Variants in TENM2 observed in about 807,000 individuals in gnomAD.
TENM2 encodes teneurin transmembrane protein 2.
TENM2 carries 52 observed loss-of-function variants against 245.2 expected under a neutral mutation model. The ratio of observed to expected loss-of-function variants is 0.21; its 90% CI spans 0.17 to 0.27. The LOEUF is 0.27. Ranked by LOEUF, TENM2 falls within the 10% of genes least tolerant of loss-of-function variation. The probability of loss-of-function intolerance (pLI) is 1.00; values close to 1 mark genes in which losing one functional copy is unlikely to be tolerated. For missense variants in TENM2, 3,046 were observed against 3,666.8 expected (o/e 0.83, Z 4.37); for synonymous variants, 1,363 against 1,438.9 (o/e 0.95, Z 1.19).
At chr5:167,495,929 T>A (rs1768785588) in intron 2 of TENM2, among the ~76,000 whole-genome samples, 1 of 152,122 alleles carries the variant, frequency 6.6e-6, no homozygotes, top group Non-Finnish European at 1.5e-5. Context: ...CCACACTTAA[T>A]TTTATGGTGA....
At chr5:167,762,851 C>T (rs1042390522) in intron 2 of TENM2, among the ~76,000 whole-genome samples, 1 of 152,214 alleles carries the variant, frequency 6.6e-6, no homozygotes, top group African/African-American at 2.4e-5. Context: ...TCTACAAGTC[C>T]TCTACATCTT....
At chr5:168,257,156 G>A (rs1330834720) in intron 27 of TENM2, among the ~76,000 whole-genome samples, 3 of 152,176 alleles carry the variant, frequency 2.0e-5, no homozygotes, top group Admixed American at 6.5e-5. Flanking sequence ...CACCAGGCAA[G>A]CTGGAGTGAA....
intron 2 of TENM2, among the ~76,000 whole-genome samples, chr5:167,644,823 A>C (rs1188780758): frequency 6.6e-6 from 1 of 152,204 alleles, no homozygotes; most frequent in Non-Finnish European, 1.5e-5. Context: ...GTACTCAGTG[A>C]CGTACAGTCA....
intron 2 of TENM2, among the ~76,000 whole-genome samples, chr5:167,597,629 G>C (rs570660595): frequency 6.6e-6 from 1 of 152,186 alleles, no homozygotes; most frequent in African/African-American, 2.4e-5. Context: ...GGACAGCAGA[G>C]AGACAAATGA....
chr5:168,079,548 A>G (rs1236633198), intron 7 of TENM2, among the ~76,000 whole-genome samples: 2 of 152,170 alleles, frequency 1.3e-5, no homozygotes, highest in Non-Finnish European at 2.9e-5. Flanking sequence ...CCCATTCAGT[A>G]TGATATTGGC....
intron 2 of TENM2, among the ~76,000 whole-genome samples, chr5:167,715,514 C>G (rs1404547091): frequency 6.6e-6 from 1 of 152,136 alleles, no homozygotes; most frequent in Non-Finnish European, 1.5e-5. Context: ...GTTTTAACCC[C>G]TGGGATGTTT....
At chr5:167,374,760 T>C (rs564498066) in intron 1 of TENM2, among the ~76,000 whole-genome samples, 1 of 152,152 alleles carries the variant, frequency 6.6e-6, no homozygotes, top group African/African-American at 2.4e-5. Flanking sequence ...AATCCTCTGG[T>C]CCCCGGTTTC....
At chr5:167,837,067 TACACACACACAC>T (rs3082486) in intron 2 of TENM2, among the ~76,000 whole-genome samples, 1 of 149,432 alleles carries the variant, frequency 6.7e-6, no homozygotes, top group South Asian at 2.1e-4. Flanking sequence ...TATGCCTAAG[TACACACACACAC>T]ACACACACAC....
intron 2 of TENM2, among the ~76,000 whole-genome samples, chr5:167,606,525 A>G (rs1459071): frequency 0.66 from 99,522 of 151,924 alleles, 32,824 homozygotes; most frequent in Middle Eastern, 0.76. Context: ...TCAGAAAACC[A>G]CACCTCCAAA....
At chr5:167,895,910 A>T (rs1775179140) in intron 3 of TENM2, among the ~76,000 whole-genome samples, 1 of 152,222 alleles carries the variant, frequency 6.6e-6, no homozygotes, top group African/African-American at 2.4e-5. Flanking sequence ...AATTCCACAA[A>T]TGTTTATTGA....
chr5:167,477,939 A>G (rs934236459), intron 2 of TENM2, among the ~76,000 whole-genome samples: 12 of 152,336 alleles, frequency 7.9e-5, no homozygotes, highest in African/African-American at 2.6e-4. Flanking sequence ...GAGATGAACA[A>G]TAAAATGCTT....
intron 24 of TENM2, among the ~76,000 whole-genome samples, chr5:168,226,748 C>A (rs1212403559): frequency 6.6e-6 from 1 of 152,200 alleles, no homozygotes; most frequent in Non-Finnish European, 1.5e-5. Flanking sequence ...ATTCTCTCTC[C>A]AAGACTGGGA....
intron 2 of TENM2, among the ~76,000 whole-genome samples, chr5:167,609,508 A>AC (rs1170076519): frequency 1.9e-4 from 14 of 72,778 alleles, no homozygotes; most frequent in Admixed American, 5.5e-4. Flanking sequence ...AAAAAAAAAA[A>AC]AAAACAAAAC....
At chr5:167,424,562 A>G (rs2127429859) in intron 2 of TENM2, among the ~76,000 whole-genome samples, 1 of 152,326 alleles carries the variant, frequency 6.6e-6, no homozygotes, top group African/African-American at 2.4e-5. Context: ...TGTTGTGATC[A>G]GAATTCTATC....
At chr5:167,005,264 A>G in the TENM2 span, among the ~76,000 whole-genome samples, 7 of 152,180 alleles carry the variant, frequency 4.6e-5, no homozygotes, top group African/African-American at 1.2e-4. Flanking sequence ...TGTTGAGGGT[A>G]GACAACATCT....
intron 2 of TENM2, among the ~76,000 whole-genome samples, chr5:167,411,910 G>A (rs763031810): frequency 5.3e-5 from 8 of 151,906 alleles, no homozygotes; most frequent in Middle Eastern, 6.3e-3. Flanking sequence ...ACATGTGTGC[G>A]GAAAAGGACA....
At chr5:168,077,735 T>C (rs889658159) in intron 7 of TENM2, among the ~76,000 whole-genome samples, 1 of 152,208 alleles carries the variant, frequency 6.6e-6, no homozygotes, top group African/African-American at 2.4e-5. Flanking sequence ...GCTTCATCCA[T>C]GTCCCTACAA....
intron 2 of TENM2, among the ~76,000 whole-genome samples, chr5:167,839,503 T>C (rs1372843242): frequency 1.3e-5 from 2 of 152,104 alleles, no homozygotes; most frequent in Non-Finnish European, 2.9e-5. Context: ...CCCTGATGTA[T>C]GGATTTTTTT....
intron 2 of TENM2, among the ~76,000 whole-genome samples, chr5:167,711,923 A>C (rs570407840): frequency 6.6e-5 from 10 of 152,332 alleles, no homozygotes; most frequent in African/African-American, 2.2e-4. Flanking sequence ...TTGATCTATC[A>C]ATTGTGTGCA....
Sources: gnomAD v4.1 joint callset for allele counts (sites outside exome capture counted in the v4.1 genomes callset) on GRCh38, gnomAD v4.1.1 for gene constraint, MANE v1.5 for transcripts, NCBI Gene and HGNC (gene_info 2026-07-23, HGNC 2026-07-21) for gene names.